The following PM20D2 variants were observed in gnomAD, a reference collection of about 807,000 sequenced individuals.
PM20D2 encodes the protein xaa-Arg dipeptidase.
In PM20D2, 33 loss-of-function variants were observed where a neutral mutation model predicts 42.9. The observed-to-expected ratio is 0.77, with a 90% CI of 0.58 to 1.03. The LOEUF (loss-of-function observed/expected upper bound fraction) is 1.03, where lower values mean the gene tolerates loss of function less well. Among genes scored for constraint, PM20D2 ranks in the 50% least tolerant of loss-of-function variants. The pLI, the probability that PM20D2 is intolerant of heterozygous loss-of-function variation, is 0.00. For missense variants in PM20D2, 548 were observed against 557.0 expected, an observed-to-expected ratio of 0.98 and a Z score of 0.16; for synonymous variants, 250 against 228.2, an observed-to-expected ratio of 1.10 and a Z score of -0.86.
chr6:89,110,678 G>C, the PM20D2 span, among the ~76,000 whole-genome samples: 1 of 152,158 alleles, frequency 6.6e-6, no homozygotes, highest in African/African-American at 2.4e-5. Flanking sequence ...ATCGGCCTTA[G>C]GTTCCCTGCC....
Position 89,146,594 on chromosome 6 carries a change from G to T in PM20D2, c.450G>T (p.Pro150=), listed in dbSNP as rs576493894. The change falls in exon 1 of 7, where the codon CCG becomes CCT. Residue 150 remains proline, a synonymous_variant. Transcript: ENST00000275072. ...VRGALEGLPR[P]PPPVKVVVLG... ...GGGCCTTAGAGGGCCTCCCCAGGCC[G>T]CCTCCGCCCGTGAAGGTGAGGTGGG... 1.4e-6 allele frequency: 2 copies of T among 1,450,300 alleles called. No homozygotes were observed. The highest frequency in any genetic ancestry group is 2.8e-5 in the East Asian group (1 of 35,588). The allele number at this position is 1,450,300 out of a possible 1,614,324, so 89.8% of individuals were successfully genotyped here. A position where few individuals can be genotyped will look rare whatever the true frequency, so the allele number is the denominator to read the frequency against.
chr6:89,111,954 T>C, the PM20D2 span, among the ~76,000 whole-genome samples: 3 of 152,212 alleles, frequency 2.0e-5, no homozygotes, highest in East Asian at 5.8e-4. Context: ...GCAAAGATAT[T>C]ATTTTTCCTA....
At chr6:89,134,209 A>G in the PM20D2 span, among the ~76,000 whole-genome samples, 2 of 151,170 alleles carry the variant, frequency 1.3e-5, no homozygotes, top group Admixed American at 1.3e-4. Flanking sequence ...GCCCCCACCT[A>G]GAGCCATCCT....
At chr6:89,160,183 C>T (rs1771188275) in intron 5 of PM20D2, among the ~76,000 whole-genome samples, 1 of 152,100 alleles carries the variant, frequency 6.6e-6, no homozygotes, top group Non-Finnish European at 1.5e-5. Context: ...GTGTGTGGAG[C>T]CGTTTCTGGC....
the PM20D2 span, among the ~76,000 whole-genome samples, chr6:89,134,510 TATC>T: frequency 6.6e-6 from 1 of 151,072 alleles, no homozygotes; most frequent in African/African-American, 2.5e-5. Flanking sequence ...GCAGGTGGGA[TATC>T]ATAGTAGTTA....
At chr6:89,125,436 C>T in the PM20D2 span, among the ~76,000 whole-genome samples, 1 of 151,346 alleles carries the variant, frequency 6.6e-6, no homozygotes, top group African/African-American at 2.4e-5. Flanking sequence ...GCCGAGACCG[C>T]GCCACTGCAC....
chr6:89,117,729 C>T, the PM20D2 span: 16 of 1,287,910 alleles, frequency 1.2e-5, no homozygotes, highest in Admixed American at 2.3e-4. Flanking sequence ...CGCGCAGCTC[C>T]CCCGAGCCTC....
intron 4 of PM20D2, among the ~76,000 whole-genome samples, chr6:89,155,730 A>G (rs1771024106): frequency 6.6e-6 from 1 of 152,028 alleles, no homozygotes; most frequent in African/African-American, 2.4e-5. Context: ...TGTTTTTGAG[A>G]CAAAGTCTTG....
At chr6:89,140,458 G>GT in the PM20D2 span, among the ~76,000 whole-genome samples, 1 of 151,434 alleles carries the variant, frequency 6.6e-6, no homozygotes, top group Non-Finnish European at 1.5e-5. Context: ...ATTAACCATG[G>GT]TATGTACACA....
intron 2 of PM20D2, among the ~76,000 whole-genome samples, chr6:89,151,011 A>G (rs1448672126): frequency 6.6e-6 from 1 of 151,514 alleles, no homozygotes. Flanking sequence ...AAAATTAGCC[A>G]GGCATGGTGG....
the PM20D2 span, among the ~76,000 whole-genome samples, chr6:89,116,834 T>C: frequency 1.9e-3 from 284 of 150,928 alleles, 3 homozygotes; most frequent in African/African-American, 6.2e-3. Context: ...TCCTCAAAGG[T>C]AAATTATAAT....
At chr6:89,117,735 G>A in the PM20D2 span, 5 of 1,325,516 alleles carry the variant, frequency 3.8e-6, no homozygotes, top group Non-Finnish European at 4.9e-6. Flanking sequence ...GCTCCCCCGA[G>A]CCTCCGCCGG....
chr6:89,132,666 T>C, the PM20D2 span, among the ~76,000 whole-genome samples: 1 of 150,410 alleles, frequency 6.6e-6, no homozygotes, highest in Non-Finnish European at 1.5e-5. Context: ...GCCAACATGG[T>C]GAAACCCTGT....
rs1300630651 is a variant in PM20D2, at chr6:89,162,345, TTTAATC to T, written c.*87_*92del. On this transcript the variant is annotated 3_prime_UTR_variant, in exon 7 of 7. Transcript: ENST00000275072. ...TCTTTTAATGAAGGCATGCTTGTTT[TTTAATC>T]TTAAAGGAGTAAAATTCTTTTTACC... 3 of 1,379,412 alleles carry T rather than the reference TTTAATC, an allele frequency of 2.2e-6. No homozygotes were observed. In the African/African-American group the frequency reaches 4.4e-5, roughly 20 times the overall value. The allele number at this position is 1,379,412 out of a possible 1,614,324, so 85.4% of individuals were successfully genotyped here.
intron 1 of PM20D2, 75 bp downstream of exon 1, chr6:89,146,684 G>C (rs1770581572): frequency 8.2e-7 from 1 of 1,226,398 alleles, no homozygotes; most frequent in East Asian, 3.1e-5. Flanking sequence ...CGGGACTCTC[G>C]TGCGTCCCGC....
At chr6:89,096,372 G>C in the PM20D2 span, 1 of 152,122 alleles carries the variant, frequency 6.6e-6, no homozygotes, top group African/African-American at 2.4e-5. Context: ...AAGTAATTGC[G>C]GGATATTTAC....
At chr6:89,155,945 C>T (rs528220550) in intron 4 of PM20D2, among the ~76,000 whole-genome samples, 9 of 150,236 alleles carry the variant, frequency 6.0e-5, no homozygotes, top group African/African-American at 1.7e-4. Context: ...AGTGCAATGG[C>T]GCAATCTCAG....
upstream of PM20D2, among the ~76,000 whole-genome samples, chr6:89,142,961 C>A (rs1032534181): frequency 1.3e-5 from 2 of 152,204 alleles, no homozygotes; most frequent in Non-Finnish European, 2.9e-5. Flanking sequence ...CCCGGCCCCC[C>A]ACAATTATTT....
the PM20D2 span, among the ~76,000 whole-genome samples, chr6:89,107,881 A>C: frequency 6.6e-6 from 1 of 152,210 alleles, no homozygotes; most frequent in Non-Finnish European, 1.5e-5. Context: ...ATTTCCAGAA[A>C]CACTGACCCA....
Sources: gnomAD v4.1 joint callset for allele counts (sites outside exome capture counted in the v4.1 genomes callset) on GRCh38, gnomAD v4.1.1 for gene constraint, MANE v1.5 for transcripts, NCBI Gene and HGNC (gene_info 2026-07-23, HGNC 2026-07-21) for gene names.